CSMD1: variants seen among roughly 807,000 people sequenced by gnomAD.
The protein encoded by CSMD1 is CUB and sushi domain-containing protein 1.
CSMD1 carries 213 observed loss-of-function variants against 417.5 expected under a neutral mutation model. That is an observed-to-expected ratio of 0.51 (90% confidence interval 0.46 to 0.57). The LOEUF (loss-of-function observed/expected upper bound fraction) is 0.57, where lower values mean the gene tolerates loss of function less well. CSMD1 is among the 20% of genes least tolerant of loss of function. CSMD1 has a pLI of 0.00. For synonymous variants in CSMD1, 2,862 were observed against 1,736.8 expected (o/e 1.65, Z -16.11); for missense variants, 6,923 against 4,529.7 (o/e 1.53, Z -15.17).
chr8:3,843,324 C>T (rs575677408), intron 5 of CSMD1, among the ~76,000 whole-genome samples: 11 of 152,182 alleles, frequency 7.2e-5, no homozygotes, highest in African/African-American at 2.2e-4. Flanking sequence ...CCTCATTGAA[C>T]GAAATCGTTT....
At chr8:4,941,511 C>T (rs1157109882) in intron 1 of CSMD1, among the ~76,000 whole-genome samples, 1 of 152,186 alleles carries the variant, frequency 6.6e-6, no homozygotes, top group African/African-American at 2.4e-5. Context: ...GTTATCTACA[C>T]ATGTAACTTG....
chr8:3,839,421 T>TATTATATATTATA (rs1802952795), intron 5 of CSMD1, among the ~76,000 whole-genome samples: 1 of 123,968 alleles, frequency 8.1e-6, no homozygotes, highest in Admixed American at 1.0e-4. Context: ...AAAATAAATA[T>TATTATATATTATA]ATATAATAAA....
At chr8:3,616,412 A>G (rs760845532) in intron 8 of CSMD1, among the ~76,000 whole-genome samples, 5 of 152,174 alleles carry the variant, frequency 3.3e-5, no homozygotes, top group Non-Finnish European at 7.3e-5. Flanking sequence ...AAGTTTCCTG[A>G]GACCTCCTCA....
At chr8:4,402,219 T>A (rs1227401690) in intron 3 of CSMD1, among the ~76,000 whole-genome samples, 1 of 152,090 alleles carries the variant, frequency 6.6e-6, no homozygotes, top group Non-Finnish European at 1.5e-5. Flanking sequence ...TGCTCTTATC[T>A]CTGTTTTGGG....
chr8:3,548,112 G>A (rs962579070), intron 10 of CSMD1, among the ~76,000 whole-genome samples: 2 of 152,102 alleles, frequency 1.3e-5, no homozygotes, highest in African/African-American at 2.4e-5. Flanking sequence ...GTGCTCAGAA[G>A]AGCACTGATA....
At chr8:3,633,794 A>T (rs757730695) in intron 7 of CSMD1, among the ~76,000 whole-genome samples, 1 of 152,180 alleles carries the variant, frequency 6.6e-6, no homozygotes, top group Non-Finnish European at 1.5e-5. Flanking sequence ...TTACTTCTCA[A>T]GTATCCACTT....
intron 3 of CSMD1, among the ~76,000 whole-genome samples, chr8:4,250,601 A>T (rs1358148412): frequency 2.6e-5 from 4 of 152,216 alleles, no homozygotes; most frequent in Admixed American, 1.3e-4. Context: ...ATTATAATTG[A>T]TAGGTCTACC....
Position 3,634,429 on chromosome 8 carries a change from A to G in CSMD1, c.1010-17632T>C, listed in dbSNP as rs535519754. On this transcript the variant is annotated intron_variant, in intron 7 of 69. Coordinates refer to ENST00000635120, the MANE Select transcript of CSMD1 (RefSeq NM_033225.6). Reference sequence around the variant, plus strand: ...TCTGCAATCCTCTGTGCGTGGGGTCACACGTCATTCCTGGGAGAATTAATG... The same window carrying G: ...TCTGCAATCCTCTGTGCGTGGGGTCGCACGTCATTCCTGGGAGAATTAATG... Among the ~76,000 whole-genome samples, 3 of 152,334 alleles carry G rather than the reference A, an allele frequency of 2.0e-5. No homozygotes were observed. In the East Asian group the frequency reaches 5.8e-4, roughly 29 times the overall value.
At chr8:4,711,671 T>A (rs925739477) in intron 1 of CSMD1, among the ~76,000 whole-genome samples, 3 of 151,834 alleles carry the variant, frequency 2.0e-5, no homozygotes, top group Admixed American at 6.6e-5. Flanking sequence ...TAGGTAAATT[T>A]AAAAAAAAAA....
At chr8:2,956,995 T>TAA (rs146539164) in intron 63 of CSMD1, among the ~76,000 whole-genome samples, 9,375 of 152,102 alleles carry the variant, frequency 0.062, 668 homozygotes, top group African/African-American at 0.18. Flanking sequence ...CCTTATATAC[T>TAA]GAGATTTTTA....
intron 1 of CSMD1, among the ~76,000 whole-genome samples, chr8:4,898,374 A>T (rs976928243): frequency 2.6e-5 from 4 of 151,996 alleles, no homozygotes; most frequent in African/African-American, 9.7e-5. Context: ...CACACCTGCC[A>T]TTTTTTTGCA....
intron 5 of CSMD1, among the ~76,000 whole-genome samples, chr8:3,780,567 A>C (rs919384761): frequency 6.6e-6 from 1 of 152,316 alleles, no homozygotes; most frequent in East Asian, 1.9e-4. Context: ...TACTATTTTC[A>C]AATTCACAAA....
intron 3 of CSMD1, among the ~76,000 whole-genome samples, chr8:4,367,150 T>G (rs2128910660): frequency 1.3e-5 from 2 of 152,272 alleles, no homozygotes; most frequent in East Asian, 3.9e-4. Flanking sequence ...ATTTCTTAGG[T>G]TGTTTTCTAT....
At chr8:4,278,543 T>C (rs1334920685) in intron 3 of CSMD1, among the ~76,000 whole-genome samples, 1 of 152,220 alleles carries the variant, frequency 6.6e-6, no homozygotes, top group African/African-American at 2.4e-5. Flanking sequence ...GGTACTAAAA[T>C]ACTAAACATA....
At chr8:4,587,803 C>T (rs1017009936) in intron 2 of CSMD1, among the ~76,000 whole-genome samples, 2 of 152,070 alleles carry the variant, frequency 1.3e-5, no homozygotes, top group Non-Finnish European at 1.5e-5. Flanking sequence ...TTGTGGGTAC[C>T]ATTTTGTTAA....
At chr8:3,955,097 G>A (rs563990670) in intron 5 of CSMD1, among the ~76,000 whole-genome samples, 4 of 152,114 alleles carry the variant, frequency 2.6e-5, no homozygotes, top group South Asian at 2.1e-4. Flanking sequence ...TAGTGGGTGC[G>A]GGAAAGCCGT....
At chr8:4,187,488 AC>A (rs1259977199) in intron 3 of CSMD1, among the ~76,000 whole-genome samples, 4 of 152,078 alleles carry the variant, frequency 2.6e-5, no homozygotes, top group African/African-American at 9.7e-5. Context: ...TACTAAAAAT[AC>A]AAAAAATCAG....
intron 2 of CSMD1, among the ~76,000 whole-genome samples, chr8:4,465,311 T>G (rs1563204811): frequency 6.6e-6 from 1 of 152,160 alleles, no homozygotes; most frequent in African/African-American, 2.4e-5. Context: ...GATGTCTTGG[T>G]GAAGATGACG....
intron 5 of CSMD1, among the ~76,000 whole-genome samples, chr8:3,948,071 T>C (rs1031947296): frequency 3.3e-5 from 5 of 152,120 alleles, no homozygotes; most frequent in African/African-American, 9.7e-5. Context: ...CTGGGCATGG[T>C]GGCAAGTGCC....
Sources: gnomAD v4.1 joint callset for allele counts (sites outside exome capture counted in the v4.1 genomes callset) on GRCh38, gnomAD v4.1.1 for gene constraint, MANE v1.5 for transcripts, NCBI Gene and HGNC (gene_info 2026-07-23, HGNC 2026-07-21) for gene names.